C16orf74: variants seen among roughly 807,000 people sequenced by gnomAD.
The protein encoded by C16orf74 is uncharacterized protein C16orf74.
Under a neutral mutation model 6.5 loss-of-function variants are expected in C16orf74, and 10 were observed. The observed-to-expected ratio is 1.54, with a 90% CI of 0.95 to 2.61. The LOEUF (loss-of-function observed/expected upper bound fraction) is 2.61. C16orf74 is among the 30% of genes most tolerant of loss of function. The pLI, the probability that C16orf74 is intolerant of heterozygous loss-of-function variation, is 0.00. For synonymous variants in C16orf74, 60 were observed against 42.5 expected (o/e 1.41, Z -1.60); for missense variants, 141 against 105.9 (o/e 1.33, Z -1.45).
intron 2 of C16orf74, among the ~76,000 whole-genome samples, chr16:85,720,154 C>T (rs895676401): frequency 3.3e-5 from 5 of 151,906 alleles, no homozygotes; most frequent in African/African-American, 7.3e-5. Context: ...ATCCCAGGCC[C>T]GATAGAGACA....
chr16:85,727,180 A>T (rs1169860252), intron 2 of C16orf74, among the ~76,000 whole-genome samples: 1 of 152,248 alleles, frequency 6.6e-6, no homozygotes, highest in Non-Finnish European at 1.5e-5. Context: ...TCTGGCCTGC[A>T]GCTGTCCGCC....
Position 85,710,467 on chromosome 16 carries a change from C to T in C16orf74, c.29-160G>A, listed in dbSNP as rs1384513408. The stretch of plus-strand genomic sequence containing the variant: ...GCTGTCCCCGCATCACAGATGAAAA[C>T]CGGCGTCTCAGGAATGAAAAAGGAG... On this transcript the variant is annotated intron_variant, in intron 2 of 3. Transcript: ENST00000284245. 5.1e-6 allele frequency: 3 copies of T among 586,306 alleles called. No homozygotes were observed. The African/African-American group carries it at 5.9e-5, about 12-fold the overall frequency. The allele number at this position is 586,306 out of a possible 1,614,324, so 36.3% of individuals were successfully genotyped here. A position where few individuals can be genotyped will look rare whatever the true frequency, so the allele number is the denominator to read the frequency against.
chr16:85,720,998 C>A (rs918162345), intron 2 of C16orf74, among the ~76,000 whole-genome samples: 4 of 151,802 alleles, frequency 2.6e-5, no homozygotes, highest in African/African-American at 9.7e-5. Flanking sequence ...GGCTGAGGCA[C>A]GAGAATCACT....
chr16:85,710,016 T>C (rs983430654), intron 3 of C16orf74, 148 bp downstream of exon 3: 20 of 630,850 alleles, frequency 3.2e-5, no homozygotes, highest in Non-Finnish European at 5.0e-5. Flanking sequence ...CGGTGCAGTG[T>C]ACACAGGTCT....
At chr16:85,725,420 T>A (rs1208193715) in intron 2 of C16orf74, among the ~76,000 whole-genome samples, 1 of 152,146 alleles carries the variant, frequency 6.6e-6, no homozygotes, top group African/African-American at 2.4e-5. Flanking sequence ...CCCAGGGGAA[T>A]CACCTAGGAG....
At chr16:85,720,236 G>A (rs1045623932) in intron 2 of C16orf74, among the ~76,000 whole-genome samples, 6 of 152,184 alleles carry the variant, frequency 3.9e-5, no homozygotes, top group Admixed American at 2.6e-4. Flanking sequence ...AGCTGCTGGA[G>A]AGAGACAACC....
chr16:85,718,218 C>T (rs1279608534), intron 2 of C16orf74, among the ~76,000 whole-genome samples: 1 of 152,096 alleles, frequency 6.6e-6, no homozygotes, highest in African/African-American at 2.4e-5. Flanking sequence ...AAACTACAGG[C>T]ACTCTCCACC....
chr16:85,730,677 C>T (rs1226925458), intron 2 of C16orf74, among the ~76,000 whole-genome samples: 1 of 148,340 alleles, frequency 6.7e-6, no homozygotes, highest in Non-Finnish European at 1.5e-5. Flanking sequence ...CAATTAACCC[C>T]CATACAAGAC....
chr16:85,731,758 G>C (rs2054190441), intron 2 of C16orf74, among the ~76,000 whole-genome samples: 1 of 152,000 alleles, frequency 6.6e-6, no homozygotes, highest in Admixed American at 6.6e-5. Context: ...TGTGATCACA[G>C]CTCACTGCAG....
At chr16:85,744,627 G>A (rs561573021) in intron 1 of C16orf74, among the ~76,000 whole-genome samples, 7 of 151,718 alleles carry the variant, frequency 4.6e-5, no homozygotes, top group Non-Finnish European at 1.0e-4. Context: ...TCAGGAGATC[G>A]AGACCATCCT....
chr16:85,720,219 A>T (rs2054068861), intron 2 of C16orf74, among the ~76,000 whole-genome samples: 1 of 152,178 alleles, frequency 6.6e-6, no homozygotes, highest in South Asian at 2.1e-4. Flanking sequence ...AGCTTGCGTC[A>T]GGGATGAGCT....
intron 2 of C16orf74, among the ~76,000 whole-genome samples, chr16:85,714,510 C>T (rs1422579711): frequency 6.6e-6 from 1 of 151,982 alleles, no homozygotes; most frequent in Admixed American, 6.6e-5. Flanking sequence ...ACCTCTGCCT[C>T]CTGGGTTCAA....
chr16:85,735,261 G>C (rs771524263), intron 1 of C16orf74, 26 bp from the exon 2 acceptor site: 3 of 1,539,642 alleles, frequency 1.9e-6, no homozygotes, highest in Non-Finnish European at 2.6e-6. Flanking sequence ...AGCGCTGAGA[G>C]AGGGGAGGGC....
chr16:85,717,908 A>T (rs2054041043), intron 2 of C16orf74, among the ~76,000 whole-genome samples: 1 of 152,158 alleles, frequency 6.6e-6, no homozygotes, highest in Non-Finnish European at 1.5e-5. Context: ...CCCGTGCCCG[A>T]GACGCTACAT....
intron 2 of C16orf74, among the ~76,000 whole-genome samples, chr16:85,723,405 A>G (rs908740116): frequency 1.5e-5 from 2 of 131,038 alleles, no homozygotes; most frequent in Admixed American, 1.5e-4. Context: ...CATCTGTACT[A>G]AAAAAAAAAA....
intron 1 of C16orf74, among the ~76,000 whole-genome samples, chr16:85,743,909 C>G (rs1304563680): frequency 2.6e-5 from 4 of 152,006 alleles, no homozygotes; most frequent in Non-Finnish European, 5.9e-5. Flanking sequence ...AAAAAATTAG[C>G]CGGGCATGGT....
At chr16:85,738,263 G>A (rs1216814523) in intron 1 of C16orf74, among the ~76,000 whole-genome samples, 2 of 151,502 alleles carry the variant, frequency 1.3e-5, no homozygotes, top group African/African-American at 4.9e-5. Context: ...AATGCTGCTT[G>A]CTGCCTGAGC....
chr16:85,737,518 G>C (rs1216790889), intron 1 of C16orf74, among the ~76,000 whole-genome samples: 2 of 152,180 alleles, frequency 1.3e-5, no homozygotes, highest in Admixed American at 1.3e-4. Context: ...GGCAACATAA[G>C]AAGACCCTGT....
intron 2 of C16orf74, among the ~76,000 whole-genome samples, chr16:85,723,975 T>A (rs1485474937): frequency 6.6e-6 from 1 of 152,072 alleles, no homozygotes; most frequent in Non-Finnish European, 1.5e-5. Flanking sequence ...AGCTGGTAAT[T>A]GGTCAACACT....
Sources: gnomAD v4.1 joint callset for allele counts (sites outside exome capture counted in the v4.1 genomes callset) on GRCh38, gnomAD v4.1.1 for gene constraint, MANE v1.5 for transcripts, NCBI Gene and HGNC (gene_info 2026-07-23, HGNC 2026-07-21) for gene names.